ESRRB: variants seen among roughly 807,000 people sequenced by gnomAD.
ESRRB encodes estrogen related receptor beta.
Under a neutral mutation model 46.0 loss-of-function variants are expected in ESRRB, and 16 were observed. The observed-to-expected ratio is 0.35, with a 90% CI of 0.24 to 0.53. The LOEUF (loss-of-function observed/expected upper bound fraction) is 0.53, where lower values mean the gene tolerates loss of function less well. Ranked by LOEUF, ESRRB falls within the 20% of genes least tolerant of loss-of-function variation. ESRRB has a pLI of 0.93. For synonymous variants in ESRRB, 246 were observed against 259.6 expected (o/e 0.95, Z 0.50); for missense variants, 488 against 607.4 (o/e 0.80, Z 2.07).
intron 3 of ESRRB, among the ~76,000 whole-genome samples, chr14:76,467,232 G>T (rs1889155572): frequency 1.3e-5 from 2 of 151,886 alleles, no homozygotes. Context: ...TGGGTGCGGT[G>T]GCTCATGCCT....
intron 1 of ESRRB, among the ~76,000 whole-genome samples, chr14:76,422,452 C>T (rs1040331940): frequency 1.3e-5 from 2 of 151,938 alleles, no homozygotes; most frequent in Non-Finnish European, 2.9e-5. Context: ...ACCTCATGAT[C>T]TGCCTGCCTC....
rs368547232 is a variant in ESRRB at position 76,392,764 on chromosome 14, A to T, written c.50+16313A>T. 1.2e-4 allele frequency among the ~76,000 whole-genome samples: 19 copies of T among 152,342 alleles called. No individual in the cohort carries two copies. In the South Asian group the frequency reaches 3.9e-3, roughly 32 times the overall value. ...CAGTATGGCTGTGGAGAGGGTCAGG[A>T]CATCTGGAAGAGCCAGTGTTGGGAT... On this transcript the variant is annotated intron_variant, in intron 1 of 6. Coordinates refer to ENST00000644823, the MANE Select transcript of ESRRB (RefSeq NM_001379180.1).
rs1183354637 is a variant in ESRRB at position 76,501,549 on chromosome 14, C to T, written c.*3091C>T. 1 of 152,146 alleles carries T rather than the reference C, an allele frequency of 6.6e-6. No individual in the cohort carries two copies. Among genetic ancestry groups the T allele is most frequent in the African/African-American group, 2.4e-5 (1 of 41,408 alleles). 9.4% of individuals were successfully genotyped at this position (152,146 alleles called of 1,614,324 possible). ...GGAAGTGGCAGGGGAGGGTGACCAGCTTGTGACAAGAAGACTGAAGGGTCC... is the reference window on the plus strand; with the variant it reads ...GGAAGTGGCAGGGGAGGGTGACCAGTTTGTGACAAGAAGACTGAAGGGTCC... On this transcript the variant is annotated 3_prime_UTR_variant, in exon 7 of 7. Transcript: ENST00000644823.
intron 2 of ESRRB, among the ~76,000 whole-genome samples, chr14:76,447,117 G>A (rs909351709): frequency 2.6e-5 from 4 of 152,074 alleles, no homozygotes; most frequent in African/African-American, 4.8e-5. Flanking sequence ...CTCACTGCTG[G>A]AAGAGATGTC....
intron 1 of ESRRB, among the ~76,000 whole-genome samples, chr14:76,329,108 G>A (rs1343261587): frequency 6.6e-6 from 1 of 152,116 alleles, no homozygotes; most frequent in Non-Finnish European, 1.5e-5. Context: ...TTAGGAAAAA[G>A]CAATTGGGTA....
intron 3 of ESRRB, among the ~76,000 whole-genome samples, chr14:76,464,466 T>C (rs1018629294): frequency 1.3e-5 from 2 of 152,212 alleles, no homozygotes; most frequent in African/African-American, 4.8e-5. Context: ...GCCCAGCACC[T>C]GTATCCATAA....
rs1488108940 is a variant in ESRRB, at chr14:76,501,392, T to C, written c.*2934T>C. On this transcript the variant is annotated 3_prime_UTR_variant, in exon 7 of 7. Coordinates refer to ENST00000644823, the MANE Select transcript of ESRRB (RefSeq NM_001379180.1). ...CTCGGGCCACACTTTAAGAACCAAG[T>C]AAGAGGCTCTCAAGACTCCAGCAGA... The C allele has an allele frequency of 6.6e-6, 1 of 152,292 alleles. No individual in the cohort carries two copies. The highest frequency in any genetic ancestry group is 1.5e-5 in the Non-Finnish European group (1 of 68,176). 9.4% of individuals were successfully genotyped at this position (152,292 alleles called of 1,614,324 possible). A position where few individuals can be genotyped will look rare whatever the true frequency, so the allele number is the denominator to read the frequency against.
chr14:76,386,879 C>A (rs190078029), intron 1 of ESRRB, among the ~76,000 whole-genome samples: 16 of 152,306 alleles, frequency 1.1e-4, no homozygotes, highest in African/African-American at 3.8e-4. Context: ...CCCAGGGCTA[C>A]TGAATTTTGC....
chr14:76,467,372 G>C (rs774188013), intron 3 of ESRRB, among the ~76,000 whole-genome samples: 1 of 151,744 alleles, frequency 6.6e-6, no homozygotes, highest in Non-Finnish European at 1.5e-5. Context: ...GTGGTGGCAC[G>C]CGCATGTAAT....
chr14:76,405,978 G>A (rs762498292), intron 1 of ESRRB, among the ~76,000 whole-genome samples: 2 of 152,142 alleles, frequency 1.3e-5, no homozygotes, highest in Admixed American at 6.5e-5. Context: ...AAATGTTTAC[G>A]AATATACCAT....
At chr14:76,384,051 A>C (rs1291003281) in intron 1 of ESRRB, among the ~76,000 whole-genome samples, 2 of 152,198 alleles carry the variant, frequency 1.3e-5, no homozygotes, top group African/African-American at 4.8e-5. Flanking sequence ...TGCACAGTAA[A>C]TGAGCTGTTG....
intron 1 of ESRRB, among the ~76,000 whole-genome samples, chr14:76,397,150 C>T (rs1390739072): frequency 5.3e-5 from 8 of 152,208 alleles, no homozygotes; most frequent in Non-Finnish European, 1.2e-4. Flanking sequence ...AAAGAGAGTG[C>T]GCCTGGTGAC....
chr14:76,330,558 G>A (rs922823451), intron 1 of ESRRB, among the ~76,000 whole-genome samples: 2 of 152,202 alleles, frequency 1.3e-5, no homozygotes, highest in African/African-American at 4.8e-5. Context: ...ACTTCCTGGA[G>A]TAAGAGGTCG....
At chr14:76,403,556 C>A (rs1886032593) in intron 1 of ESRRB, among the ~76,000 whole-genome samples, 1 of 152,068 alleles carries the variant, frequency 6.6e-6, no homozygotes, top group South Asian at 2.1e-4. Flanking sequence ...GAGGGAAAGG[C>A]AGAGCATAGC....
At chr14:76,440,708 T>C in intron 2 of ESRRB, among the ~76,000 whole-genome samples, 1 of 147,514 alleles carries the variant, frequency 6.8e-6, no homozygotes, top group African/African-American at 2.7e-5. Flanking sequence ...TCTTTCTTTT[T>C]CTTTCTCTCT....
At chr14:76,357,281 C>A (rs1860697709) in intron 1 of ESRRB, among the ~76,000 whole-genome samples, 3 of 152,212 alleles carry the variant, frequency 2.0e-5, no homozygotes, top group Admixed American at 2.0e-4. Context: ...TTTTTACAAA[C>A]AGTGCAAATA....
In ESRRB at chr14:76,341,612, C is replaced by T. The variant is rs370725280; in HGVS notation, c.2+30696C>T. On this transcript the variant is annotated intron_variant, in intron 1 of 6. Transcript: ENST00000512784. ...GTCTCCAGGGAATAGAGTGGGGAAA[C>T]AAAAGTATGTGCTGTTCTTGATGAT... Among the ~76,000 whole-genome samples, 71 of 152,326 alleles carry T rather than the reference C, an allele frequency of 4.7e-4. 2 individuals carry two copies. In the South Asian group the frequency reaches 0.015, roughly 31 times the overall value.
In ESRRB at chr14:76,376,935, C is replaced by T. The variant is rs1388646069; in HGVS notation, c.50+484C>T. ...AAGAGAGAGAAAATCGAACGTGCCGCGGCGGTTTGGAAACTGCAGGCGGCC... is the reference window on the plus strand; with the variant it reads ...AAGAGAGAGAAAATCGAACGTGCCGTGGCGGTTTGGAAACTGCAGGCGGCC... On this transcript the variant is annotated intron_variant, in intron 1 of 6. Transcript: ENST00000644823. The surrounding 1 kb of genome is among the most constrained non-coding windows in gnomAD (Gnocchi z 4.1). Among the ~76,000 whole-genome samples the T allele has an allele frequency of 6.6e-6, 1 of 152,206 alleles. No individual in the cohort carries two copies. The highest frequency in any genetic ancestry group is 2.4e-5 in the African/African-American group (1 of 41,460).
At chr14:76,323,663 G>A (rs1208287664) in intron 1 of ESRRB, among the ~76,000 whole-genome samples, 1 of 152,136 alleles carries the variant, frequency 6.6e-6, no homozygotes, top group Admixed American at 6.5e-5. Context: ...GGGAGGGGAG[G>A]TGTGTTGGAT....
Sources: gnomAD v4.1 joint callset for allele counts (sites outside exome capture counted in the v4.1 genomes callset) on GRCh38, gnomAD v4.1.1 for gene constraint, Gnocchi (gnomAD v3.1) non-coding constraint, MANE v1.5 for transcripts, NCBI Gene and HGNC (gene_info 2026-07-23, HGNC 2026-07-21) for gene names.